Variants in EPB41L2 observed in about 807,000 individuals in gnomAD.
EPB41L2 encodes the protein erythrocyte membrane protein band 4.1 like 2, also known as band 4.1-like protein 2.
EPB41L2 carries 43 observed loss-of-function variants against 113.0 expected under a neutral mutation model. That is an observed-to-expected ratio of 0.38 (90% CI 0.30 to 0.49). The LOEUF (loss-of-function observed/expected upper bound fraction) is 0.49. Among genes scored for constraint, EPB41L2 ranks in the 20% least tolerant of loss-of-function variants. The pLI, the probability that EPB41L2 is intolerant of heterozygous loss-of-function variation, is 0.95. For missense variants in EPB41L2, 1,147 were observed against 1,223.4 expected, an observed-to-expected ratio of 0.94 and a Z score of 0.93; for synonymous variants, 442 against 436.7, an observed-to-expected ratio of 1.01 and a Z score of -0.15.
intron 1 of EPB41L2, among the ~76,000 whole-genome samples, chr6:130,993,823 C>G (rs1782451506): frequency 6.6e-6 from 1 of 152,014 alleles, no homozygotes; most frequent in African/African-American, 2.4e-5. Flanking sequence ...GTAGGTTGCC[C>G]CAGTATTAAT....
At chr6:131,021,265 C>T (rs549500533) in intron 1 of EPB41L2, among the ~76,000 whole-genome samples, 1 of 152,140 alleles carries the variant, frequency 6.6e-6, no homozygotes, top group Non-Finnish European at 1.5e-5. Flanking sequence ...CTACTGATGG[C>T]TCTAACTATT....
intron 8 of EPB41L2, among the ~76,000 whole-genome samples, chr6:130,895,514 C>T (rs1794384963): frequency 6.6e-6 from 1 of 152,140 alleles, no homozygotes; most frequent in Non-Finnish European, 1.5e-5. Flanking sequence ...AGTCTGTTGG[C>T]CTACCCTAAG....
intron 1 of EPB41L2, among the ~76,000 whole-genome samples, chr6:131,059,114 CTTTTT>C (rs1554361720): frequency 1.5e-5 from 2 of 131,364 alleles, no homozygotes; most frequent in South Asian, 4.7e-4. Flanking sequence ...TTACCTATAA[CTTTTT>C]TTTTTTTTTT....
chr6:130,932,982 C>T (rs1807429455), intron 3 of EPB41L2, among the ~76,000 whole-genome samples: 1 of 152,214 alleles, frequency 6.6e-6, no homozygotes, highest in African/African-American at 2.4e-5. Context: ...AGAAGACCAG[C>T]ACAGACCAAC....
chr6:130,857,403 A>G (rs540742217), intron 19 of EPB41L2, among the ~76,000 whole-genome samples: 3 of 152,302 alleles, frequency 2.0e-5, no homozygotes, highest in South Asian at 4.1e-4. Flanking sequence ...TATACTCAGG[A>G]TACTATTCCT....
At chr6:131,012,209 C>CG (rs1434838940) in intron 1 of EPB41L2, among the ~76,000 whole-genome samples, 2 of 150,974 alleles carry the variant, frequency 1.3e-5, no homozygotes, top group Admixed American at 6.6e-5. Flanking sequence ...TAGATGGGGG[C>CG]GGGGGGAGCT....
At chr6:131,002,866 T>C (rs1784653289) in intron 1 of EPB41L2, among the ~76,000 whole-genome samples, 1 of 152,214 alleles carries the variant, frequency 6.6e-6, no homozygotes, top group Admixed American at 6.5e-5. Context: ...TAGATGGATT[T>C]AACCCTCGGG....
intron 11 of EPB41L2, among the ~76,000 whole-genome samples, chr6:130,889,460 T>G (rs866672452): frequency 1.3e-5 from 2 of 151,998 alleles, no homozygotes; most frequent in East Asian, 3.9e-4. Flanking sequence ...TAGAAAAAAA[T>G]TCACATTTAT....
intron 3 of EPB41L2, among the ~76,000 whole-genome samples, chr6:130,927,738 T>C (rs1004145883): frequency 2.0e-5 from 3 of 152,186 alleles, no homozygotes; most frequent in Admixed American, 1.3e-4. Context: ...AAGAATAGAA[T>C]TGCATCAAAT....
intron 5 of EPB41L2, among the ~76,000 whole-genome samples, chr6:130,906,382 G>A (rs1013604846): frequency 1.8e-4 from 28 of 152,130 alleles, no homozygotes; most frequent in African/African-American, 5.8e-4. Context: ...TTTAAAATAC[G>A]TATACATTGT....
At chr6:130,881,659 G>A (rs571805123) in intron 12 of EPB41L2, 39 of 152,100 alleles carry the variant, frequency 2.6e-4, no homozygotes, top group African/African-American at 8.4e-4. Context: ...TAGCACAGAG[G>A]TAGGATACTT....
intron 3 of EPB41L2, among the ~76,000 whole-genome samples, chr6:130,949,625 TGGAGGAGAGG>T (rs1814141386): frequency 7.2e-6 from 1 of 138,836 alleles, no homozygotes; most frequent in Non-Finnish European, 1.6e-5. Flanking sequence ...GGGAGGAGAG[TGGAGGAGAGG>T]GGAGACCCAA....
rs755230935 is a variant in EPB41L2 at position 130,899,516 on chromosome 6, T to A, written c.1211A>T (p.Tyr404Phe). Residue 404 changes from tyrosine to phenylalanine, a missense_variant, in exon 8 of 20, where the codon TAT (tyrosine) becomes TTT (phenylalanine). Transcript: ENST00000337057. ...CTTGGCATGATGTAGGTCAACACCA[T>A]ACATGGAAAGCCTCTTTGCATTTTC... ...FLENAKRLSM[Y>F]GVDLHHAKDS... 1 of 1,613,944 alleles carries A rather than the reference T, an allele frequency of 6.2e-7. No homozygotes were observed. The highest frequency in any genetic ancestry group is 2.2e-5 in the East Asian group (1 of 44,864).
intron 1 of EPB41L2, among the ~76,000 whole-genome samples, chr6:130,969,295 T>C (rs369798793): frequency 5.8e-4 from 89 of 152,242 alleles, no homozygotes; most frequent in African/African-American, 2.0e-3. Flanking sequence ...TTCAGTGATA[T>C]AGAGCATCCC....
intron 1 of EPB41L2, among the ~76,000 whole-genome samples, chr6:131,006,667 CAA>C (rs10709651): frequency 5.9e-4 from 83 of 140,842 alleles, no homozygotes; most frequent in Non-Finnish European, 4.5e-4. Context: ...GACTCTATCT[CAA>C]AAAAAAAAAA....
At chr6:130,877,474 T>C (rs1787935126) in intron 14 of EPB41L2, among the ~76,000 whole-genome samples, 1 of 152,166 alleles carries the variant, frequency 6.6e-6, no homozygotes, top group Non-Finnish European at 1.5e-5. Context: ...CTGAAGGCAA[T>C]ATGTACTCAT....
chr6:130,854,727 T>A (rs1162678505), intron 19 of EPB41L2, among the ~76,000 whole-genome samples: 4 of 152,224 alleles, frequency 2.6e-5, no homozygotes, highest in African/African-American at 9.6e-5. Flanking sequence ...TATCTTATTC[T>A]ATCCTTAGAA....
chr6:130,911,740 AT>A (rs940817287), intron 4 of EPB41L2, among the ~76,000 whole-genome samples: 46 of 152,264 alleles, frequency 3.0e-4, no homozygotes, highest in African/African-American at 9.9e-4. Context: ...AAAAATTTAG[AT>A]TTTTTTGTTT....
At chr6:130,912,307 A>G (rs952285833) in intron 4 of EPB41L2, among the ~76,000 whole-genome samples, 1 of 152,242 alleles carries the variant, frequency 6.6e-6, no homozygotes, top group Admixed American at 6.5e-5. Flanking sequence ...AATGCTTATT[A>G]GTACACAGAA....
Sources: gnomAD v4.1 joint callset for allele counts (sites outside exome capture counted in the v4.1 genomes callset) on GRCh38, gnomAD v4.1.1 for gene constraint, MANE v1.5 for transcripts, NCBI Gene and HGNC (gene_info 2026-07-23, HGNC 2026-07-21) for gene names.